The following OVCH2 variants were observed in gnomAD, a reference collection of about 807,000 sequenced individuals.
The protein encoded by OVCH2 is ovochymase 2, also known as ovochymase-2.
OVCH2 carries 88 observed loss-of-function variants against 73.7 expected under a neutral mutation model. The observed-to-expected ratio is 1.19, with a 90% CI of 1.01 to 1.43. The LOEUF (loss-of-function observed/expected upper bound fraction) is 1.43, where lower values mean the gene tolerates loss of function less well. OVCH2 is among the 40% of genes most tolerant of loss of function. OVCH2 has a pLI of 0.00. For missense variants in OVCH2, 706 were observed against 674.5 expected, an observed-to-expected ratio of 1.05 and a Z score of -0.52; for synonymous variants, 265 against 234.5, an observed-to-expected ratio of 1.13 and a Z score of -1.19.
downstream of OVCH2, among the ~76,000 whole-genome samples, chr11:7,684,824 A>G (rs1856125903): frequency 6.6e-6 from 1 of 152,044 alleles, no homozygotes; most frequent in Non-Finnish European, 1.5e-5. Flanking sequence ...GGTTGAGGGA[A>G]CAGTAATCCA....
At chr11:7,678,724 G>A in the OVCH2 span, among the ~76,000 whole-genome samples, 2 of 152,228 alleles carry the variant, frequency 1.3e-5, no homozygotes, top group East Asian at 3.8e-4. Flanking sequence ...TTATAAGTGG[G>A]AGCTAAGCAT....
At position 7,689,540 on chromosome 11, in the gene OVCH2, G is replaced by T. The variant is rs553747227; in HGVS notation, c.*94C>A. On this transcript the variant is annotated 3_prime_UTR_variant, in exon 16 of 16. Transcript: ENST00000533663. Reference sequence around the variant, plus strand: ...CTCTGTCTGAGGGCTGTGACGAGGAGTCTGCCCCAAGCCTCTCCTCTAGCT... The same window carrying T: ...CTCTGTCTGAGGGCTGTGACGAGGATTCTGCCCCAAGCCTCTCCTCTAGCT... The T allele has an allele frequency of 9.1e-6, 4 of 440,984 alleles. No individual in the cohort carries two copies. Among genetic ancestry groups the T allele is most frequent in the African/African-American group, 2.0e-5 (1 of 49,974 alleles). The allele number at this position is 440,984 out of a possible 1,614,324, so 27.3% of individuals were successfully genotyped here. A position where few individuals can be genotyped will look rare whatever the true frequency, so the allele number is the denominator to read the frequency against.
chr11:7,697,856 TA>T (rs1301247457), intron 8 of OVCH2, among the ~76,000 whole-genome samples: 1 of 152,238 alleles, frequency 6.6e-6, no homozygotes. Context: ...CTTACACTAT[TA>T]AAATATAGTT....
chr11:7,688,424 G>C (rs1357614423), downstream of OVCH2, among the ~76,000 whole-genome samples: 1 of 152,080 alleles, frequency 6.6e-6, no homozygotes, highest in Non-Finnish European at 1.5e-5. Context: ...TGGCTTTGCT[G>C]AATGTACCCC....
Position 7,703,613 on chromosome 11 carries a change from C to T in OVCH2, c.290+85G>A, listed in dbSNP as rs981644666. ...CCAATACTCACCTATCACACAGGTC[C>T]ATGTTTTAATAGGGTTATTGCTGAT... On this transcript the variant is annotated intron_variant, in intron 3 of 15. Coordinates refer to ENST00000533663, the MANE Select transcript of OVCH2 (RefSeq NM_198185.7). The T allele has an allele frequency of 2.2e-5, 24 of 1,073,370 alleles. No individual in the cohort carries two copies. In the East Asian group the frequency reaches 5.9e-4, roughly 26 times the overall value. The allele number at this position is 1,073,370 out of a possible 1,614,324, so 66.5% of individuals were successfully genotyped here.
intron 6 of OVCH2, among the ~76,000 whole-genome samples, chr11:7,700,841 A>T (rs1416331961): frequency 6.6e-6 from 1 of 152,238 alleles, no homozygotes; most frequent in Non-Finnish European, 1.5e-5. Flanking sequence ...AGTTCCCAAC[A>T]TCCACAAACT....
downstream of OVCH2, among the ~76,000 whole-genome samples, chr11:7,688,955 G>T (rs1383527454): frequency 2.0e-5 from 3 of 152,190 alleles, no homozygotes; most frequent in African/African-American, 7.2e-5. Context: ...CTCGAGATGA[G>T]AATTTATTCT....
At chr11:7,706,227 A>G in intron 1 of OVCH2, 80 bp downstream of exon 1, 5 of 1,348,592 alleles carry the variant, frequency 3.7e-6, no homozygotes, top group Non-Finnish European at 5.1e-6. Flanking sequence ...TCCCAAAGGA[A>G]CATGGAGTCT....
rs759058584 is a variant in OVCH2, at chr11:7,700,291, G to C, written c.901+5C>G. On this transcript the variant is annotated splice_donor_5th_base_variant and intron_variant, in intron 7 of 15. Coordinates refer to ENST00000533663, the MANE Select transcript of OVCH2 (RefSeq NM_198185.7). ...CTTCTTAACCTTGTGTGATGGCTTA[G>C]TTACCAGTTTGGATGTGTTCGTGGA... 1.7e-5 allele frequency: 28 copies of C among 1,612,898 alleles called. No homozygotes were observed. The highest frequency in any genetic ancestry group is 1.2e-4 in the South Asian group (11 of 90,984).
In OVCH2 at chr11:7,696,571, C is replaced by A. The variant is rs767861779; in HGVS notation, c.1035G>T (p.Leu345=). Residue 345 remains leucine, a synonymous_variant, in exon 10 of 16, where the codon CTG becomes CTT. Coordinates refer to ENST00000533663, the MANE Select transcript of OVCH2 (RefSeq NM_198185.7). ...YESKQRCVWT[L]LVPEEMHVLL... The stretch of plus-strand genomic sequence containing the variant: ...ACACATGCATTTCCTCTGGTACCAG[C>A]AGGGTCCAGACACACCGTCTGTAGG... The A allele has an allele frequency of 6.2e-7, 1 of 1,614,016 alleles. No homozygotes were observed. The highest frequency in any genetic ancestry group is 8.5e-7 in the Non-Finnish European group (1 of 1,179,904).
At chr11:7,685,706 G>A (rs1856134932), downstream of OVCH2, among the ~76,000 whole-genome samples, 1 of 132,528 alleles carries the variant, frequency 7.5e-6, no homozygotes, top group Non-Finnish European at 1.6e-5. Flanking sequence ...CCTAATTATT[G>A]CAGGATATCT....
chr11:7,683,686 C>T, the OVCH2 span, among the ~76,000 whole-genome samples: 1 of 152,198 alleles, frequency 6.6e-6, no homozygotes, highest in African/African-American at 2.4e-5. Context: ...CTCCCACCTA[C>T]CTTCTCTGAT....
At chr11:7,698,819 GAAC>G in intron 7 of OVCH2, 46 bp from the exon 8 acceptor site, 2 of 1,597,892 alleles carry the variant, frequency 1.3e-6, no homozygotes, top group Non-Finnish European at 1.7e-6. Flanking sequence ...GTGGTATCCT[GAAC>G]AACGCTTCAA....
At chr11:7,688,075 G>A (rs527879368), downstream of OVCH2, among the ~76,000 whole-genome samples, 1 of 152,154 alleles carries the variant, frequency 6.6e-6, no homozygotes, top group Admixed American at 6.5e-5. Flanking sequence ...TCAGTCCACA[G>A]CAAAACCTAA....
At chr11:7,703,850 T>C in intron 2 of OVCH2, 61 bp from the exon 3 acceptor site, 1 of 1,289,614 alleles carries the variant, frequency 7.8e-7, no homozygotes, top group Non-Finnish European at 1.1e-6. Context: ...CTAAACACGG[T>C]GATGAAGCCT....
At chr11:7,691,797 TG>T in intron 13 of OVCH2, 104 bp downstream of exon 13, 1 of 808,528 alleles carries the variant, frequency 1.2e-6, no homozygotes, top group Non-Finnish European at 2.0e-6. Flanking sequence ...GGGGTGGAGG[TG>T]GTGCAGGAAG....
downstream of OVCH2, among the ~76,000 whole-genome samples, chr11:7,687,707 C>T (rs150903897): frequency 6.6e-6 from 1 of 152,076 alleles, no homozygotes; most frequent in East Asian, 1.9e-4. Flanking sequence ...CACCTCTTTC[C>T]CCTGTCTTTG....
chr11:7,687,245 C>A (rs773628589), downstream of OVCH2, among the ~76,000 whole-genome samples: 19 of 151,442 alleles, frequency 1.3e-4, no homozygotes, highest in Admixed American at 1.2e-3. Flanking sequence ...GATATTTCTG[C>A]GCAAATTGTC....
At chr11:7,692,926 A>T (rs1464643311) in intron 12 of OVCH2, among the ~76,000 whole-genome samples, 1 of 152,202 alleles carries the variant, frequency 6.6e-6, no homozygotes, top group Non-Finnish European at 1.5e-5. Flanking sequence ...TTGCTATCTT[A>T]AAAACTTGGC....
Sources: gnomAD v4.1 joint callset for allele counts (sites outside exome capture counted in the v4.1 genomes callset) on GRCh38, gnomAD v4.1.1 for gene constraint, MANE v1.5 for transcripts, NCBI Gene and HGNC (gene_info 2026-07-23, HGNC 2026-07-21) for gene names.